Variants in THBS1 observed in about 807,000 individuals in gnomAD.
THBS1 encodes thrombospondin 1, also known as thrombospondin-1.
THBS1 carries 29 observed loss-of-function variants against 126.1 expected under a neutral mutation model. The observed-to-expected ratio is 0.23, with a 90% CI of 0.17 to 0.31. The LOEUF is 0.31. Ranked by LOEUF, THBS1 falls within the 10% of genes least tolerant of loss-of-function variation. The pLI is 1.00. For synonymous variants in THBS1, 496 were observed against 577.8 expected, an observed-to-expected ratio of 0.86 and a Z score of 2.03; for missense variants, 1,198 against 1,545.2, an observed-to-expected ratio of 0.78 and a Z score of 3.77.
chr15:39,592,456 C>A lies in THBS1; in HGVS notation c.2533-112C>A. The A allele has an allele frequency of 1.3e-6, 1 of 782,560 alleles. No homozygotes were observed. Among genetic ancestry groups the A allele is most frequent in the Non-Finnish European group, 2.0e-6 (1 of 488,584 alleles). 48.5% of individuals were successfully genotyped at this position (782,560 alleles called of 1,614,324 possible). A position where few individuals can be genotyped will look rare whatever the true frequency, so the allele number is the denominator to read the frequency against. ...AGGAGTGTGTAAATAGACATGACAC[C>A]CCACTGGCTGTATCAAACAATGGAG... On this transcript the variant is annotated intron_variant, in intron 16 of 21. Transcript: ENST00000260356. The surrounding 1 kb of genome is among the most constrained non-coding windows in gnomAD (Gnocchi z 4.3).
chr15:39,590,986 C>A, intron 14 of THBS1: 1 of 604,784 alleles, frequency 1.7e-6, no homozygotes, highest in Non-Finnish European at 2.8e-6. Context: ...ATCTCACTAA[C>A]TTCTAACCCA....
At position 39,591,308 on chromosome 15, in the gene THBS1, A is replaced by G; in HGVS notation, c.2371A>G (p.Asn791Asp). 2 of 1,614,172 alleles carry G rather than the reference A, an allele frequency of 1.2e-6. No individual in the cohort carries two copies. The highest frequency in any genetic ancestry group is 1.7e-6 in the Non-Finnish European group (2 of 1,180,022). ...CCCAGATCAGGCAGACACAGACAAC[A>G]ATGGGGAAGGAGACGCCTGTGCTGC... ...HNPDQADTDN[N>D]GEGDACAADI... The change falls in exon 15 of 22, where the codon AAT becomes GAT. Residue 791 changes from asparagine (N) to aspartate (D), a missense_variant. Asn to Asp is a conservative substitution (Grantham distance 23, BLOSUM62 1). Transcript: ENST00000260356.
rs1890453250 is a variant in THBS1, at chr15:39,596,669, T to C, written c.*1300T>C. ...CCCCTTGTGCTCAGAGTGGATGTTA[T>C]GGGATTCTTTTTTTCTCTGTTTTAT... On this transcript the variant is annotated 3_prime_UTR_variant, in exon 22 of 22. Transcript: ENST00000260356. 2 of 152,242 alleles carry C rather than the reference T, an allele frequency of 1.3e-5. No individual in the cohort carries two copies. Among genetic ancestry groups the C allele is most frequent in the African/African-American group, 4.8e-5 (2 of 41,462 alleles). 9.4% of individuals were successfully genotyped at this position (152,242 alleles called of 1,614,324 possible). A position where few individuals can be genotyped will look rare whatever the true frequency, so the allele number is the denominator to read the frequency against.
chr15:39,592,870 A>C lies in THBS1; in HGVS notation c.2767+68A>C. On this transcript the variant is annotated intron_variant, in intron 17 of 21. Transcript: ENST00000260356. The surrounding 1 kb of genome is among the most constrained non-coding windows in gnomAD (Gnocchi z 4.3). Reference sequence around the variant, plus strand: ...CAGCTGTGTAGATTGAAGAAATGAAACCAAGGCTCAAAGCATTTGACAGGA... The same window carrying C: ...CAGCTGTGTAGATTGAAGAAATGAACCCAAGGCTCAAAGCATTTGACAGGA... 1.3e-6 allele frequency: 2 copies of C among 1,563,580 alleles called. No homozygotes were observed. The highest frequency in any genetic ancestry group is 1.7e-6 in the Non-Finnish European group (2 of 1,146,438).
chr15:39,583,927 G>C, intron 4 of THBS1, 61 bp from the exon 5 acceptor site: 1 of 1,587,008 alleles, frequency 6.3e-7, no homozygotes, highest in Admixed American at 1.7e-5. Flanking sequence ...CTACCACTAA[G>C]AACTCAAGAG....
chr15:39,593,738 TTGACCAAGACTCTGACCAGGG>T lies in THBS1; in HGVS notation c.3267+71_3267+91del. 1 of 1,566,586 alleles carries T rather than the reference TTGACCAAGACTCTGACCAGGG, an allele frequency of 6.4e-7. No homozygotes were observed. Among genetic ancestry groups the T allele is most frequent in the East Asian group, 2.2e-5 (1 of 44,500 alleles). On this transcript the variant is annotated intron_variant, in intron 19 of 21. Coordinates refer to ENST00000260356, the MANE Select transcript of THBS1 (RefSeq NM_003246.4). This position sits in a 1 kb window ranked among gnomAD's most constrained non-coding sequence, Gnocchi z 5.9. ...TGACTAGCACTGGGGATGCTGTGCT[TTGACCAAGACTCTGACCAGGG>T]AGTCTTAGAAAGTTCCCAGCATCAC...
chr15:39,585,428 A>C (rs1890191277), intron 6 of THBS1, 42 bp from the exon 7 acceptor site: 4 of 1,580,204 alleles, frequency 2.5e-6, no homozygotes, highest in Non-Finnish European at 3.5e-6. Context: ...TGTATGCAAC[A>C]TGCTCAGCAG....
intron 14 of THBS1, chr15:39,590,861 A>G: frequency 1.8e-6 from 1 of 547,352 alleles, no homozygotes; most frequent in Non-Finnish European, 3.2e-6. Context: ...GAGAAATTAT[A>G]ATGCATAAAC....
Position 39,582,721 on chromosome 15 carries a change from T to C in THBS1, c.596T>C (p.Ile199Thr). 7 of 1,612,768 alleles carry C rather than the reference T, an allele frequency of 4.3e-6. No individual in the cohort carries two copies. The highest frequency in any genetic ancestry group is 5.9e-6 in the Non-Finnish European group (7 of 1,179,722). Reference sequence around the variant, plus strand: ...CTGGCCAGCATCGCCAGACTCCGCATCGCAAAGGGGGGCGTCAATGACAAT... The same window carrying C: ...CTGGCCAGCATCGCCAGACTCCGCACCGCAAAGGGGGGCGTCAATGACAAT... ...RDLASIARLRIAKGGVNDNFQ... is the reference protein window; with the variant it reads ...RDLASIARLRTAKGGVNDNFQ... The change falls in exon 3 of 22, where the codon ATC becomes ACC. Residue 199 changes from isoleucine (I) to threonine (T), a missense_variant. This residue lies in a region of THBS1 where 271 missense variants were observed against 277.0 expected (regional missense o/e 0.98). Coordinates refer to ENST00000260356, the MANE Select transcript of THBS1 (RefSeq NM_003246.4).
In THBS1 at chr15:39,592,871, C is replaced by A. The variant is rs1890355214; in HGVS notation, c.2767+69C>A. Reference sequence around the variant, plus strand: ...AGCTGTGTAGATTGAAGAAATGAAACCAAGGCTCAAAGCATTTGACAGGAT... The same window carrying A: ...AGCTGTGTAGATTGAAGAAATGAAAACAAGGCTCAAAGCATTTGACAGGAT... On this transcript the variant is annotated intron_variant, in intron 17 of 21. Transcript: ENST00000260356. The surrounding 1 kb of genome is among the most constrained non-coding windows in gnomAD (Gnocchi z 4.3). The A allele has an allele frequency of 1.9e-6, 3 of 1,555,948 alleles. No individual in the cohort carries two copies. Among genetic ancestry groups the A allele is most frequent in the African/African-American group, 2.7e-5 (2 of 73,436 alleles).
rs182916283 is a variant in THBS1 at position 39,589,420 on chromosome 15, C to T, written c.1926+66C>T. 101 of 1,570,754 alleles carry T rather than the reference C, an allele frequency of 6.4e-5. No individual in the cohort carries two copies. The African/African-American group carries it at 8.0e-4, about 12-fold the overall frequency. On this transcript the variant is annotated intron_variant, in intron 12 of 21. Transcript: ENST00000260356. The surrounding 1 kb of genome is among the most constrained non-coding windows in gnomAD (Gnocchi z 4.7). Reference sequence around the variant, plus strand: ...TGTCCTTGACCAAAATAACTGGGAGCGGGAGGAATGTAATTTCATACCCTT... The same window carrying T: ...TGTCCTTGACCAAAATAACTGGGAGTGGGAGGAATGTAATTTCATACCCTT...
In THBS1 at chr15:39,592,809, C is replaced by A; in HGVS notation, c.2767+7C>A. 6.2e-7 allele frequency: 1 copy of A among 1,608,462 alleles called. No homozygotes were observed. Among genetic ancestry groups the A allele is most frequent in the South Asian group, 1.1e-5 (1 of 90,048 alleles). ...GACCAGAAGGACTCTGACGGTGAGT[C>A]ATGGGAGCCACTTTCTAAGACAGGG... is the stretch of plus-strand genomic sequence containing the variant. On this transcript the variant is annotated splice_region_variant and intron_variant, in intron 17 of 21. Transcript: ENST00000260356. The surrounding 1 kb of genome is among the most constrained non-coding windows in gnomAD (Gnocchi z 4.3).
At chr15:39,588,910 C>T in intron 10 of THBS1, 49 bp from the exon 11 acceptor site, 3 of 1,614,108 alleles carry the variant, frequency 1.9e-6, no homozygotes, top group South Asian at 2.2e-5. Context: ...GGCAGTATGG[C>T]AGCTTAGACC....
intron 3 of THBS1, among the ~76,000 whole-genome samples, chr15:39,583,019 G>GT (rs1566838552): frequency 9.2e-5 from 14 of 152,190 alleles, no homozygotes; most frequent in African/African-American, 3.4e-4. Flanking sequence ...ACTACTCAAG[G>GT]AAACAAGAAA....
chr15:39,582,712 G>C lies in THBS1; in HGVS notation c.587G>C (p.Arg196Thr). 6.2e-7 allele frequency: 1 copy of C among 1,613,258 alleles called. No homozygotes were observed. The highest frequency in any genetic ancestry group is 8.5e-7 in the Non-Finnish European group (1 of 1,179,946). The change falls in exon 3 of 22, where the codon AGA becomes ACA. Residue 196 changes from arginine (R) to threonine (T), a missense_variant. Physicochemically the swap from Arg to Thr is moderately conservative, Grantham distance 71. Around this residue, in one of 4 missense-constraint regions of THBS1, gnomAD observed 271 missense variants for 277.0 expected, o/e 0.98. Transcript: ENST00000260356. ...VFTRDLASIA[R>T]LRIAKGGVND... is the part of the protein sequence containing the mutation. ...ACCAGAGACCTGGCCAGCATCGCCA[G>C]ACTCCGCATCGCAAAGGGGGGCGTC...
Position 39,593,500 on chromosome 15 carries a change from C to G in THBS1, c.3099C>G (p.Ser1033Arg). The change falls in exon 19 of 22, where the codon AGC (serine) becomes AGG (arginine). Residue 1033 changes from serine to arginine, a missense_variant. By Grantham distance (110) the Ser-to-Arg change is moderately radical. Coordinates refer to ENST00000260356, the MANE Select transcript of THBS1 (RefSeq NM_003246.4). The surrounding 1 kb of genome is among the most constrained non-coding windows in gnomAD (Gnocchi z 5.9). ...AGFVFGYQSS[S>R]RFYVVMWKQV... Reference sequence around the variant, plus strand: ...TTGTCTTTGGCTACCAGTCCAGCAGCCGCTTTTATGTTGTGATGTGGAAGC... The same window carrying G: ...TTGTCTTTGGCTACCAGTCCAGCAGGCGCTTTTATGTTGTGATGTGGAAGC... The G allele has an allele frequency of 6.2e-7, 1 of 1,614,182 alleles. No homozygotes were observed. Among genetic ancestry groups the G allele is most frequent in the Non-Finnish European group, 8.5e-7 (1 of 1,180,040 alleles).
In THBS1 at chr15:39,588,565, G is replaced by C. The variant is rs773410501; in HGVS notation, c.1511G>C (p.Cys504Ser). ...GWGPWSPWDICSVTCGGGVQK... is the reference protein window; with the variant it reads ...GWGPWSPWDISSVTCGGGVQK... ...GGTCCTTGGTCACCATGGGACATCT[G>C]TTCTGTCACCTGTGGAGGAGGGGTA... Residue 504 changes from cysteine (C) to serine (S), a missense_variant, in exon 10 of 22, where the codon TGT becomes TCT. Coordinates refer to ENST00000260356, the MANE Select transcript of THBS1 (RefSeq NM_003246.4). The C allele has an allele frequency of 6.3e-7, 1 of 1,593,938 alleles. No individual in the cohort carries two copies. The highest frequency in any genetic ancestry group is 8.5e-7 in the Non-Finnish European group (1 of 1,171,908).
At chr15:39,590,494 A>C (rs773380914) in intron 13 of THBS1, 22 bp from the exon 14 acceptor site, 2 of 1,585,526 alleles carry the variant, frequency 1.3e-6, no homozygotes, top group Non-Finnish European at 1.7e-6. Flanking sequence ...TGAAGCAGTG[A>C]TATATATCTT....
Position 39,582,823 on chromosome 15 carries a change from A to G in THBS1, c.627+71A>G, listed in dbSNP as rs879049510. 11 of 1,483,498 alleles carry G rather than the reference A, an allele frequency of 7.4e-6. No individual in the cohort carries two copies. In the South Asian group the frequency reaches 1.5e-4, roughly 20 times the overall value. 91.9% of individuals were successfully genotyped at this position (1,483,498 alleles called of 1,614,324 possible). A position where few individuals can be genotyped will look rare whatever the true frequency, so the allele number is the denominator to read the frequency against. ...ACAGGTGACCTGCCAGGAGGGCTAC[A>G]GGAAATCCTGTCTGTAAACTAACGC... On this transcript the variant is annotated intron_variant, in intron 3 of 21. Coordinates refer to ENST00000260356, the MANE Select transcript of THBS1 (RefSeq NM_003246.4).
Sources: gnomAD v4.1 joint callset for allele counts (sites outside exome capture counted in the v4.1 genomes callset) on GRCh38, gnomAD v4.1.1 for gene constraint, gnomAD v4.1.1 regional missense constraint, Gnocchi (gnomAD v3.1) non-coding constraint, MANE v1.5 for transcripts, NCBI Gene and HGNC (gene_info 2026-07-23, HGNC 2026-07-21) for gene names.